Variants in ACSL4 observed in about 807,000 individuals in gnomAD.
The protein encoded by ACSL4 is long-chain-fatty-acid--CoA ligase 4.
A neutral mutation model predicts 49.1 loss-of-function variants in ACSL4; 9 were observed. The observed-to-expected ratio is 0.18, with a 90% CI of 0.11 to 0.32. The LOEUF is 0.32. ACSL4 is among the 10% of genes least tolerant of loss of function. ACSL4 has a pLI of 1.00. For synonymous variants in ACSL4, 191 were observed against 170.3 expected, an observed-to-expected ratio of 1.12 and a Z score of -0.95; for missense variants, 333 against 493.7, an observed-to-expected ratio of 0.67 and a Z score of 3.08.
intron 15 of ACSL4, among the ~76,000 whole-genome samples, chrX:109,650,695 C>A (rs1363577469): frequency 9.0e-6 from 1 of 111,574 alleles, no homozygotes; most frequent in Non-Finnish European, 1.9e-5. Context: ...TAAAGAAATA[C>A]ACAAAAGAGA....
chrX:109,681,657 C>T (rs1177725271), intron 4 of ACSL4, among the ~76,000 whole-genome samples: 1 of 112,031 alleles, frequency 8.9e-6, no homozygotes, highest in Non-Finnish European at 1.9e-5. Context: ...AATTTAGATG[C>T]TCAAGGCCAA....
At position 109,663,284 on chromosome X, in the gene ACSL4, A is replaced by G. The variant is rs772803365; in HGVS notation, c.1509T>C (p.Asp503=). The part of the protein sequence containing the change: ...EEKTAEDYSV[D]ENGQRWFCTG... ...TGCAAAACCACCTTTGTCCATTTTC[A>G]TCCACAGAATAATCTTCTGCTGTTT... The change falls in exon 13 of 16, where the codon GAT becomes GAC. Residue 503 remains aspartate (D), a synonymous_variant. Transcript: ENST00000672401. 22 of 1,207,761 alleles carry G rather than the reference A, an allele frequency of 1.8e-5. No homozygotes were observed. The Admixed American group carries it at 4.8e-4, about 26-fold the overall frequency.
chrX:109,653,670 T>C (rs1186473452), intron 15 of ACSL4, among the ~76,000 whole-genome samples: 4 of 109,339 alleles, frequency 3.7e-5, no homozygotes, highest in Admixed American at 9.8e-5. Flanking sequence ...ATGGATGAAA[T>C]TGGAAATCAT....
intron 11 of ACSL4, among the ~76,000 whole-genome samples, chrX:109,666,640 C>T (rs868084881): frequency 3.6e-5 from 4 of 111,397 alleles, no homozygotes; most frequent in Admixed American, 9.5e-5. Flanking sequence ...TCAGGGCAGG[C>T]GCAGTGGCTC....
intron 1 of ACSL4, among the ~76,000 whole-genome samples, chrX:109,718,777 AAAG>A (rs908547140): frequency 9.0e-6 from 1 of 111,110 alleles, no homozygotes; most frequent in Non-Finnish European, 1.9e-5. Context: ...AAAAGAAAGA[AAAG>A]AAATCCCATA....
intron 15 of ACSL4, among the ~76,000 whole-genome samples, chrX:109,646,484 C>A (rs1934707288): frequency 9.2e-6 from 1 of 108,984 alleles, no homozygotes; most frequent in East Asian, 2.8e-4. Context: ...GAGATTTTGT[C>A]ACCACCAGGC....
chrX:109,724,868 T>C lies in ACSL4; in HGVS notation c.-66+8271A>G, dbSNP rs776754493. On this transcript the variant is annotated intron_variant, in intron 1 of 15. Coordinates refer to ENST00000672401, the MANE Select transcript of ACSL4 (RefSeq NM_001318510.2). ...CGGAGGTTGTAGTGAGCCGAGATCA[T>C]GCCACTGCACTCCAGCCTGGGCGAC... 1.3e-4 allele frequency among the ~76,000 whole-genome samples: 14 copies of C among 110,043 alleles called. 3 individuals carry two copies. Among genetic ancestry groups the C allele is most frequent in the South Asian group, 7.9e-4 (2 of 2,540 alleles).
At chrX:109,710,392 C>T (rs1224115636) in intron 1 of ACSL4, among the ~76,000 whole-genome samples, 2 of 112,272 alleles carry the variant, frequency 1.8e-5, no homozygotes, top group African/African-American at 3.2e-5. Context: ...ACCAGCTGCA[C>T]ACCATTAATC....
intron 9 of ACSL4, among the ~76,000 whole-genome samples, chrX:109,671,361 C>G (rs867703391): frequency 6.9e-4 from 77 of 111,862 alleles, no homozygotes; most frequent in African/African-American, 2.4e-3. Context: ...GCCTCCCCGT[C>G]TGAGAAGTGA....
chrX:109,705,966 G>C (rs1926324495), intron 1 of ACSL4, among the ~76,000 whole-genome samples: 1 of 112,948 alleles, frequency 8.9e-6, no homozygotes, highest in Admixed American at 9.3e-5. Flanking sequence ...CAAAGTGCTA[G>C]GATTACAGGC....
intron 1 of ACSL4, among the ~76,000 whole-genome samples, chrX:109,716,667 C>T (rs1927143047): frequency 8.9e-6 from 1 of 112,019 alleles, no homozygotes; most frequent in Admixed American, 9.5e-5. Flanking sequence ...ACTTAAAATG[C>T]CTCAGTATAA....
chrX:109,663,542 AT>A, intron 12 of ACSL4, 140 bp from the exon 13 acceptor site: 1 of 541,048 alleles, frequency 1.8e-6, no homozygotes, highest in Non-Finnish European at 3.0e-6. Context: ...ATTTACTAAA[AT>A]TTACATGAGG....
intron 1 of ACSL4, among the ~76,000 whole-genome samples, chrX:109,696,485 A>G (rs1925453119): frequency 8.9e-6 from 1 of 112,050 alleles, no homozygotes; most frequent in Non-Finnish European, 1.9e-5. Context: ...TGAATCCCCC[A>G]TGGTCAGGAC....
chrX:109,682,952 C>T (rs1360600076), intron 3 of ACSL4, 56 bp from the exon 4 acceptor site: 3 of 1,123,426 alleles, frequency 2.7e-6, no homozygotes, highest in Admixed American at 2.3e-5. Flanking sequence ...AATTAAAATA[C>T]TATCCAAAGC....
intron 1 of ACSL4, among the ~76,000 whole-genome samples, chrX:109,729,706 T>C (rs1480733141): frequency 8.9e-6 from 1 of 112,121 alleles, no homozygotes; most frequent in Non-Finnish European, 1.9e-5. Flanking sequence ...AAACATCAGA[T>C]GCCCTTCAAG....
intron 1 of ACSL4, among the ~76,000 whole-genome samples, chrX:109,726,265 C>CA (rs770860392): frequency 1.5e-3 from 167 of 110,991 alleles, no homozygotes; most frequent in African/African-American, 5.2e-3. Context: ...ACTAAAAATA[C>CA]AAAAAAAATT....
intron 2 of ACSL4, among the ~76,000 whole-genome samples, chrX:109,690,354 C>T (rs940429897): frequency 5.4e-5 from 6 of 111,948 alleles, no homozygotes; most frequent in African/African-American, 1.9e-4. Flanking sequence ...AAAGGCAGGG[C>T]ATTATCTTCA....
chrX:109,667,995 A>T, intron 11 of ACSL4, 106 bp downstream of exon 11: 1 of 552,393 alleles, frequency 1.8e-6, no homozygotes, highest in Non-Finnish European at 3.1e-6. Flanking sequence ...TGAATCTGAT[A>T]TTAGTTAAGA....
At chrX:109,701,738 G>T (rs1346319795) in intron 1 of ACSL4, among the ~76,000 whole-genome samples, 3 of 93,833 alleles carry the variant, frequency 3.2e-5, no homozygotes, top group African/African-American at 7.9e-5. Context: ...TAGAGATGGG[G>T]TTTCACTGTG....
Sources: gnomAD v4.1 joint callset for allele counts (sites outside exome capture counted in the v4.1 genomes callset) on GRCh38, gnomAD v4.1.1 for gene constraint, MANE v1.5 for transcripts, NCBI Gene and HGNC (gene_info 2026-07-23, HGNC 2026-07-21) for gene names.